Variants in NPM1 observed in about 807,000 individuals in gnomAD.
The protein encoded by NPM1 is nucleophosmin 1.
In NPM1, 1 loss-of-function variant was observed where a neutral mutation model predicts 44.1. The observed-to-expected ratio is 0.02, with a 90% CI of 0.01 to 0.11. The LOEUF is 0.11. Among genes scored for constraint, NPM1 ranks in the 10% least tolerant of loss-of-function variants. The probability of loss-of-function intolerance (pLI) is 1.00; values close to 1 mark genes in which losing one functional copy is unlikely to be tolerated. For missense variants in NPM1, 197 were observed against 347.8 expected, an observed-to-expected ratio of 0.57 and a Z score of 3.45; for synonymous variants, 126 against 111.8, an observed-to-expected ratio of 1.13 and a Z score of -0.80.
At chr5:171,404,303 G>A (rs1251592604) in intron 8 of NPM1, among the ~76,000 whole-genome samples, 6 of 99,304 alleles carry the variant, frequency 6.0e-5, no homozygotes, top group African/African-American at 1.2e-4. Context: ...CCCAGATGGG[G>A]TGGCTGCCGG....
At chr5:171,391,843 A>G (rs1386871431) in intron 4 of NPM1, 44 bp downstream of exon 4, 2 of 1,220,664 alleles carry the variant, frequency 1.6e-6, no homozygotes, top group Admixed American at 1.8e-5. Flanking sequence ...TGTCCTCTTT[A>G]GTGCAGTTGC....
rs1554138198 is a variant in NPM1 at position 171,410,605 on chromosome 5, T to C, written c.*40T>C. ...CAATTTGTTAAAAAATTTTCCGTCT[T>C]ATTTCATTTCTGTAACAGTTGATAT... On this transcript the variant is annotated 3_prime_UTR_variant, in exon 11 of 11. Coordinates refer to ENST00000296930, the MANE Select transcript of NPM1 (RefSeq NM_002520.7). 2 of 1,266,818 alleles carry C rather than the reference T, an allele frequency of 1.6e-6. No homozygotes were observed. Among genetic ancestry groups the C allele is most frequent in the Non-Finnish European group, 2.2e-6 (2 of 900,500 alleles). 78.5% of individuals were successfully genotyped at this position (1,266,818 alleles called of 1,614,324 possible). A position where few individuals can be genotyped will look rare whatever the true frequency, so the allele number is the denominator to read the frequency against.
chr5:171,389,385 TGA>T (rs1162075019), intron 1 of NPM1, among the ~76,000 whole-genome samples: 1 of 152,232 alleles, frequency 6.6e-6, no homozygotes, highest in Non-Finnish European at 1.5e-5. Flanking sequence ...ATTCATGGAG[TGA>T]GAGTAGACAT....
At chr5:171,409,630 C>G (rs1771725972) in intron 10 of NPM1, among the ~76,000 whole-genome samples, 1 of 152,188 alleles carries the variant, frequency 6.6e-6, no homozygotes, top group African/African-American at 2.4e-5. Context: ...GAAACAGTGA[C>G]AGCTGAGAGA....
intron 6 of NPM1, among the ~76,000 whole-genome samples, chr5:171,399,008 G>T (rs1771054219): frequency 6.6e-6 from 1 of 152,018 alleles, no homozygotes. Flanking sequence ...CCGCCACCAT[G>T]CCCGGCTAAT....
Position 171,410,707 on chromosome 5 carries a change from A to G in NPM1, c.*142A>G, listed in dbSNP as rs1771787086. On this transcript the variant is annotated 3_prime_UTR_variant, in exon 11 of 11. Transcript: ENST00000296930. The stretch of plus-strand genomic sequence containing the variant: ...TAAATGTTGTCCAGGTTCTATTGCC[A>G]AGAATGTGTTGTCCAAAATGCCTGT... 3.7e-6 allele frequency: 2 copies of G among 540,956 alleles called. No homozygotes were observed. 33.5% of individuals were successfully genotyped at this position (540,956 alleles called of 1,614,324 possible). A position where few individuals can be genotyped will look rare whatever the true frequency, so the allele number is the denominator to read the frequency against.
chr5:171,402,966 TC>T (rs1336868855), intron 8 of NPM1, among the ~76,000 whole-genome samples: 14 of 114,324 alleles, frequency 1.2e-4, no homozygotes, highest in South Asian at 3.1e-4. Context: ...TTTTTTTTTT[TC>T]ATTTTATTTA....
chr5:171,405,430 T>G, intron 9 of NPM1, 27 bp downstream of exon 9: 1 of 1,030,850 alleles, frequency 9.7e-7, no homozygotes, highest in Non-Finnish European at 1.5e-6. Context: ...TAAAAAAACT[T>G]TGTCTCCCCC....
At chr5:171,400,499 C>T (rs542643905) in intron 7 of NPM1, among the ~76,000 whole-genome samples, 7 of 149,786 alleles carry the variant, frequency 4.7e-5, no homozygotes, top group South Asian at 2.1e-4. Flanking sequence ...CAATGTCACC[C>T]GGGCTGGAGT....
chr5:171,387,681 C>T, upstream of NPM1: 2 of 510,960 alleles, frequency 3.9e-6, no homozygotes, highest in Admixed American at 3.5e-5. Flanking sequence ...CGCGGAGTAC[C>T]TGGAAGGAGG....
At chr5:171,408,555 G>A (rs958624950) in intron 10 of NPM1, among the ~76,000 whole-genome samples, 1 of 151,728 alleles carries the variant, frequency 6.6e-6, no homozygotes, top group Non-Finnish European at 1.5e-5. Context: ...TTTAGTTTTC[G>A]GGTTCGTAAA....
chr5:171,397,722 CCT>C (rs1770983537), intron 6 of NPM1, among the ~76,000 whole-genome samples: 1 of 151,756 alleles, frequency 6.6e-6, no homozygotes, highest in South Asian at 2.1e-4. Flanking sequence ...TTCTTAAACT[CCT>C]GTCTTCAGTG....
Position 171,391,327 on chromosome 5 carries a change from A to G in NPM1, c.161A>G (p.Lys54Arg). 6.2e-7 allele frequency: 1 copy of G among 1,613,626 alleles called. No individual in the cohort carries two copies. Among genetic ancestry groups the G allele is most frequent in the Non-Finnish European group, 8.5e-7 (1 of 1,179,806 alleles). Residue 54 changes from lysine to arginine, a missense_variant, in exon 3 of 11, where the codon AAG (lysine) becomes AGG (arginine). Lys to Arg is a conservative substitution (Grantham distance 26, BLOSUM62 2). This residue lies in a region of NPM1 where 43 missense variants were observed against 109.6 expected (regional missense o/e 0.39). Coordinates refer to ENST00000296930, the MANE Select transcript of NPM1 (RefSeq NM_002520.7). ...LRTVSLGAGA[K>R]DELHIVEAEA... ...CAGGTCAGTTTAGGGGCTGGTGCAA[A>G]GGATGAGTTGCACATTGTTGAAGCA...
intron 6 of NPM1, 125 bp from the exon 7 acceptor site, chr5:171,400,028 G>A: frequency 1.5e-6 from 1 of 651,460 alleles, no homozygotes; most frequent in Non-Finnish European, 2.8e-6. Flanking sequence ...TTCACCTCTT[G>A]GCTGTTGTGA....
At chr5:171,387,708 A>T (rs1770291286), upstream of NPM1, 1 of 535,488 alleles carries the variant, frequency 1.9e-6, no homozygotes, top group South Asian at 2.3e-5. Flanking sequence ...CGAGGTAGAA[A>T]GGAGTGGGGT....
rs1561878846 is a variant in NPM1, at chr5:171,410,808, T to C, written c.*243T>C. 1.1e-5 allele frequency: 4 copies of C among 376,160 alleles called. No individual in the cohort carries two copies. Among genetic ancestry groups the C allele is most frequent in the Non-Finnish European group, 1.9e-5 (4 of 211,066 alleles). The allele number at this position is 376,160 out of a possible 1,614,324, so 23.3% of individuals were successfully genotyped here. A position where few individuals can be genotyped will look rare whatever the true frequency, so the allele number is the denominator to read the frequency against. On this transcript the variant is annotated 3_prime_UTR_variant, in exon 11 of 11. Coordinates refer to ENST00000296930, the MANE Select transcript of NPM1 (RefSeq NM_002520.7). The stretch of plus-strand genomic sequence containing the variant: ...GGAATGTTATGATAGGACATAGTAG[T>C]AGCGGTGGTCAGACATGGAAATGGT...
intron 1 of NPM1, among the ~76,000 whole-genome samples, chr5:171,389,227 T>G (rs964927360): frequency 2.6e-5 from 4 of 152,238 alleles, no homozygotes; most frequent in Non-Finnish European, 5.9e-5. Flanking sequence ...CTACCGTGAA[T>G]TTTATCTTGT....
intron 6 of NPM1, among the ~76,000 whole-genome samples, chr5:171,395,691 T>A (rs943946551): frequency 6.6e-6 from 1 of 152,170 alleles, no homozygotes; most frequent in Admixed American, 6.5e-5. Flanking sequence ...CATAGATAGA[T>A]GGCAATGAAA....
intron 1 of NPM1, 72 bp downstream of exon 1, chr5:171,388,078 G>GGGGGC: frequency 3.2e-6 from 2 of 616,750 alleles, no homozygotes; most frequent in Non-Finnish European, 6.1e-6. Flanking sequence ...TGAGGGGCGG[G>GGGGGC]AATCCGGCTG....
Sources: gnomAD v4.1 joint callset for allele counts (sites outside exome capture counted in the v4.1 genomes callset) on GRCh38, gnomAD v4.1.1 for gene constraint, gnomAD v4.1.1 regional missense constraint, MANE v1.5 for transcripts, NCBI Gene and HGNC (gene_info 2026-07-23, HGNC 2026-07-21) for gene names.